Variants in ANKRD42 observed in about 807,000 individuals in gnomAD.
ANKRD42 encodes ankyrin repeat domain 42.
ANKRD42 carries 43 observed loss-of-function variants against 51.5 expected under a neutral mutation model. The ratio of observed to expected loss-of-function variants is 0.83; its 90% CI spans 0.65 to 1.08. The LOEUF (loss-of-function observed/expected upper bound fraction) is 1.08. ANKRD42 is among the 50% of genes least tolerant of loss of function. The pLI, the probability that ANKRD42 is intolerant of heterozygous loss-of-function variation, is 0.00. For missense variants in ANKRD42, 608 were observed against 629.3 expected (o/e 0.97, Z 0.36); for synonymous variants, 203 against 213.0 (o/e 0.95, Z 0.41).
At position 83,213,232 on chromosome 11, in the gene ANKRD42, G is replaced by T. The variant is rs1232571019; in HGVS notation, c.586+1802G>T. The T allele has an allele frequency of 5.0e-6, 8 of 1,598,928 alleles. 1 individual carries two copies. In the Admixed American group the frequency reaches 1.0e-4, roughly 20 times the overall value. ...ACATGCTGCCTACTGACTTCTGGAA[G>T]TTCCTGGTCCACAACATCAAGGAGC... On this transcript the variant is annotated intron_variant, in intron 5 of 10. Transcript: ENST00000533342.
At chr11:83,256,009 C>T (rs1393123934) in exon 12 of ANKRD42, 2 of 1,039,384 alleles carry the variant, frequency 1.9e-6, no homozygotes, top group African/African-American at 3.2e-5. Context: ...TGAGTCTATA[C>T]AAACTATCTC....
At chr11:83,220,125 A>G (rs637309) in intron 5 of ANKRD42, among the ~76,000 whole-genome samples, 3 of 152,000 alleles carry the variant, frequency 2.0e-5, no homozygotes, top group African/African-American at 7.3e-5. Context: ...CTCAACCAGG[A>G]TATCTGGGAG....
intron 1 of ANKRD42, among the ~76,000 whole-genome samples, chr11:83,197,554 T>G (rs376251005): frequency 6.6e-6 from 1 of 152,208 alleles, no homozygotes; most frequent in Admixed American, 6.5e-5. Context: ...AGTACAAGGT[T>G]GCACAGATCA....
intron 5 of ANKRD42, chr11:83,212,765 T>C: frequency 1.3e-6 from 2 of 1,525,468 alleles, no homozygotes; most frequent in Non-Finnish European, 1.8e-6. Flanking sequence ...TTTACACTAC[T>C]GTCCAGGATC....
In ANKRD42 at chr11:83,194,176, G is replaced by A. The variant is rs1861529169; in HGVS notation, c.-495G>A. 2.2e-6 allele frequency: 1 copy of A among 457,612 alleles called. No homozygotes were observed. Among genetic ancestry groups the A allele is most frequent in the Admixed American group, 2.3e-5 (1 of 42,586 alleles). 28.3% of individuals were successfully genotyped at this position (457,612 alleles called of 1,614,324 possible). ...CAGCGACGTGAATTTTAGTGAAGTTGGAGGCCACCAAACTACCGACTCCAG... is the reference window on the plus strand; with the variant it reads ...CAGCGACGTGAATTTTAGTGAAGTTAGAGGCCACCAAACTACCGACTCCAG... On this transcript the variant is annotated 5_prime_UTR_variant, in exon 1 of 11. Coordinates refer to ENST00000533342, the MANE Select transcript of ANKRD42 (RefSeq NM_001300975.2).
chr11:83,224,236 A>G (rs1298463701), intron 5 of ANKRD42, among the ~76,000 whole-genome samples: 1 of 152,090 alleles, frequency 6.6e-6, no homozygotes, highest in Non-Finnish European at 1.5e-5. Flanking sequence ...AAATATTATA[A>G]TGTTCTTATT....
At chr11:83,235,978 G>T (rs1488215353) in intron 7 of ANKRD42, among the ~76,000 whole-genome samples, 1 of 152,194 alleles carries the variant, frequency 6.6e-6, no homozygotes, top group Non-Finnish European at 1.5e-5. Flanking sequence ...TTTGAAGTCT[G>T]TGTAGGTCCT....
At chr11:83,219,179 CCA>C (rs1862636014) in intron 5 of ANKRD42, among the ~76,000 whole-genome samples, 1 of 152,196 alleles carries the variant, frequency 6.6e-6, no homozygotes, top group South Asian at 2.1e-4. Flanking sequence ...AGGGTCAGGT[CCA>C]GTTGTATTCA....
chr11:83,209,822 C>G (rs1862235806), intron 3 of ANKRD42: 1 of 538,644 alleles, frequency 1.9e-6, no homozygotes, highest in African/African-American at 1.9e-5. Context: ...CACCATAGCC[C>G]AGCCAGATGA....
downstream of ANKRD42, among the ~76,000 whole-genome samples, chr11:83,258,213 A>T (rs1246905079): frequency 6.6e-6 from 1 of 152,132 alleles, no homozygotes; most frequent in Non-Finnish European, 1.5e-5. Context: ...AAATAAACCT[A>T]ATCTTATTTA....
chr11:83,224,803 A>G (rs1290271598), intron 5 of ANKRD42, 52 bp from the exon 6 acceptor site: 3 of 1,397,812 alleles, frequency 2.1e-6, no homozygotes, highest in South Asian at 3.0e-5. Flanking sequence ...ACATACATAC[A>G]TAAAAATTTT....
rs1370069609 is a variant in ANKRD42 at position 83,194,106 on chromosome 11, C to A, written c.-565C>A. On this transcript the variant is annotated 5_prime_UTR_variant, in exon 1 of 11. Coordinates refer to ENST00000533342, the MANE Select transcript of ANKRD42 (RefSeq NM_001300975.2). The stretch of plus-strand genomic sequence containing the variant: ...TTAGGGGAGATAGTGGCCACAGTCA[C>A]AGCTGCTCTTGGGAGAGAGTTAGGG... 1 of 456,566 alleles carries A rather than the reference C, an allele frequency of 2.2e-6. No homozygotes were observed. Among genetic ancestry groups the A allele is most frequent in the Non-Finnish European group, 4.4e-6 (1 of 226,834 alleles). 28.3% of individuals were successfully genotyped at this position (456,566 alleles called of 1,614,324 possible).
At chr11:83,197,472 A>G (rs1861702870) in intron 1 of ANKRD42, among the ~76,000 whole-genome samples, 1 of 152,242 alleles carries the variant, frequency 6.6e-6, no homozygotes, top group African/African-American at 2.4e-5. Flanking sequence ...ATTCCAGTGT[A>G]AAATATTATT....
intron 5 of ANKRD42, among the ~76,000 whole-genome samples, chr11:83,223,686 CA>C (rs1271068515): frequency 6.6e-6 from 1 of 152,090 alleles, no homozygotes; most frequent in African/African-American, 2.4e-5. Context: ...TCTGAAGTTT[CA>C]GGGGGGCAGG....
chr11:83,251,587 T>C (rs1031126822), downstream of ANKRD42, among the ~76,000 whole-genome samples: 13 of 152,218 alleles, frequency 8.5e-5, no homozygotes, highest in Non-Finnish European at 1.5e-4. Context: ...CCCAAGTCTA[T>C]GCTTTTAACA....
At chr11:83,249,036 T>C, downstream of ANKRD42, 1 of 955,124 alleles carries the variant, frequency 1.0e-6, no homozygotes, top group Non-Finnish European at 1.2e-6. Flanking sequence ...GAAAATTTAG[T>C]ATCAGAGAGG....
chr11:83,253,469 C>T (rs1863709295), downstream of ANKRD42, among the ~76,000 whole-genome samples: 1 of 152,172 alleles, frequency 6.6e-6, no homozygotes, highest in African/African-American at 2.4e-5. Context: ...TAAACTCTTT[C>T]AACAGTTTTA....
chr11:83,195,165 T>C (rs149865652), intron 1 of ANKRD42, among the ~76,000 whole-genome samples: 99 of 152,344 alleles, frequency 6.5e-4, no homozygotes, highest in African/African-American at 2.2e-3. Flanking sequence ...GATGATGCCA[T>C]CATTGGTTCT....
intron 2 of ANKRD42, among the ~76,000 whole-genome samples, chr11:83,205,366 G>A (rs1271493107): frequency 6.6e-6 from 1 of 152,124 alleles, no homozygotes; most frequent in Admixed American, 6.5e-5. Flanking sequence ...TACTTGATAA[G>A]CCTTTTAAAC....
Sources: allele counts gnomAD v4.1 joint callset (sites outside exome capture counted in the v4.1 genomes callset), GRCh38; gene constraint gnomAD v4.1.1; transcripts MANE v1.5; gene names NCBI Gene and HGNC (gene_info 2026-07-23, HGNC 2026-07-21).